The following RPH3A variants were observed in gnomAD, a reference collection of about 807,000 sequenced individuals.
The protein encoded by RPH3A is rabphilin-3A.
In RPH3A, 48 loss-of-function variants were observed where a neutral mutation model predicts 102.2. The ratio of observed to expected loss-of-function variants is 0.47; its 90% CI spans 0.37 to 0.60. The LOEUF (loss-of-function observed/expected upper bound fraction) is 0.60, where lower values mean the gene tolerates loss of function less well. RPH3A is among the 20% of genes least tolerant of loss of function. The pLI is 0.00. For synonymous variants in RPH3A, 310 were observed against 324.3 expected, an observed-to-expected ratio of 0.96 and a Z score of 0.47; for missense variants, 781 against 910.1, an observed-to-expected ratio of 0.86 and a Z score of 1.83.
chr12:112,692,420 C>T (rs1592946249), intron 1 of RPH3A, among the ~76,000 whole-genome samples: 1 of 151,790 alleles, frequency 6.6e-6, no homozygotes, highest in Non-Finnish European at 1.5e-5. Flanking sequence ...ATTATATATC[C>T]CGTAAATATG....
intron 1 of RPH3A, among the ~76,000 whole-genome samples, chr12:112,784,387 T>C (rs1018982467): frequency 6.6e-6 from 1 of 152,316 alleles, no homozygotes. Context: ...TCTGAGGTGA[T>C]GATCTATCCC....
chr12:112,592,319 GTTATTA>G (rs1348736100), intron 1 of RPH3A, among the ~76,000 whole-genome samples: 5 of 152,008 alleles, frequency 3.3e-5, no homozygotes, highest in African/African-American at 1.2e-4. Context: ...TTTTAAAATA[GTTATTA>G]TTATTATTAT....
At chr12:112,769,196 A>G (rs2040911752) in intron 1 of RPH3A, among the ~76,000 whole-genome samples, 1 of 152,060 alleles carries the variant, frequency 6.6e-6, no homozygotes, top group Non-Finnish European at 1.5e-5. Flanking sequence ...CAATCTTTTC[A>G]TTTCCCTCTC....
At chr12:112,802,711 C>T (rs972139508) in intron 2 of RPH3A, among the ~76,000 whole-genome samples, 1 of 152,002 alleles carries the variant, frequency 6.6e-6, no homozygotes, top group Non-Finnish European at 1.5e-5. Context: ...CTACTTCCCA[C>T]TCTGTGTGGA....
chr12:112,884,639 T>C (rs1376971959), intron 16 of RPH3A, among the ~76,000 whole-genome samples: 1 of 152,222 alleles, frequency 6.6e-6, no homozygotes, highest in Non-Finnish European at 1.5e-5. Context: ...AAGAGAATTA[T>C]TACTGGATCA....
rs1491132890 is a variant in RPH3A at position 112,678,281 on chromosome 12, GAA to G, written c.-140+102964_-140+102965del. 5.7e-3 allele frequency among the ~76,000 whole-genome samples: 429 copies of G among 75,494 alleles called. 26 individuals carry two copies. Among genetic ancestry groups the G allele is most frequent in the African/African-American group, 0.022 (305 of 13,652 alleles). The allele number at this position is 75,494 out of a possible 152,430, so 49.5% of individuals were successfully genotyped here. A position where few individuals can be genotyped will look rare whatever the true frequency, so the allele number is the denominator to read the frequency against. ...AGAAAGAAAGAAAGAAAGAAAGAAA[GAA>G]AGAAAGAAAGAAAGAAAGAAAGAGA... On this transcript the variant is annotated intron_variant, in intron 1 of 21. Transcript: ENST00000543106.
At chr12:112,717,004 A>G (rs558211770) in intron 1 of RPH3A, among the ~76,000 whole-genome samples, 2 of 152,288 alleles carry the variant, frequency 1.3e-5, no homozygotes, top group South Asian at 2.1e-4. Context: ...CTGTGGACTT[A>G]CTATGTTGGA....
At chr12:112,793,220 A>G (rs781293215) in intron 2 of RPH3A, among the ~76,000 whole-genome samples, 1 of 152,206 alleles carries the variant, frequency 6.6e-6, no homozygotes, top group African/African-American at 2.4e-5. Context: ...TAATTTTGAA[A>G]TGCTTTTGAT....
rs552279268 is a variant in RPH3A at position 112,614,041 on chromosome 12, C to T, written c.-140+38722C>T. ...TGAAGTTAGAGGAAGGGACCACGAG[C>T]CAAGGAATGCTTGTAAACCACTACA... On this transcript the variant is annotated intron_variant, in intron 1 of 21. Coordinates refer to the RPH3A transcript ENST00000543106. Among the ~76,000 whole-genome samples, 52 of 152,136 alleles carry T rather than the reference C, an allele frequency of 3.4e-4. 1 individual carries two copies. The highest frequency in any genetic ancestry group is 1.1e-3 in the African/African-American group (47 of 41,506).
chr12:112,881,347 C>G (rs755181296), intron 14 of RPH3A, among the ~76,000 whole-genome samples: 1 of 152,178 alleles, frequency 6.6e-6, no homozygotes, highest in Non-Finnish European at 1.5e-5. Flanking sequence ...CATCCTCCTT[C>G]CCCCGACCTT....
At chr12:112,657,911 G>C (rs1257411183) in intron 1 of RPH3A, among the ~76,000 whole-genome samples, 1 of 152,134 alleles carries the variant, frequency 6.6e-6, no homozygotes, top group Non-Finnish European at 1.5e-5. Flanking sequence ...TGACTGTGTG[G>C]ATAAGGGGAA....
In RPH3A at chr12:112,898,199, C is replaced by T. The variant is rs2043217567; in HGVS notation, c.*1419C>T. On this transcript the variant is annotated 3_prime_UTR_variant, in exon 22 of 22. Coordinates refer to ENST00000389385, the MANE Select transcript of RPH3A (RefSeq NM_001143854.2). ...GGCTTTGGGCTCATCATCAATCTTT[C>T]ACTTTCTTCCTATAAAAAAAATTAT... 1 of 152,194 alleles carries T rather than the reference C, an allele frequency of 6.6e-6. No individual in the cohort carries two copies. The highest frequency in any genetic ancestry group is 1.5e-5 in the Non-Finnish European group (1 of 68,036). 9.4% of individuals were successfully genotyped at this position (152,194 alleles called of 1,614,324 possible).
At chr12:112,586,495 A>G (rs1021845140) in intron 1 of RPH3A, among the ~76,000 whole-genome samples, 3 of 152,076 alleles carry the variant, frequency 2.0e-5, no homozygotes, top group Non-Finnish European at 4.4e-5. Flanking sequence ...TGTTCCAGGA[A>G]GAAGGCATGG....
At chr12:112,582,402 T>C (rs1433451946) in intron 1 of RPH3A, among the ~76,000 whole-genome samples, 1 of 146,910 alleles carries the variant, frequency 6.8e-6, no homozygotes, top group African/African-American at 2.5e-5. Flanking sequence ...TGAGCCACCA[T>C]GCCTGGCCAT....
At chr12:112,700,058 T>C (rs1323971678) in intron 1 of RPH3A, among the ~76,000 whole-genome samples, 1 of 152,124 alleles carries the variant, frequency 6.6e-6, no homozygotes, top group Non-Finnish European at 1.5e-5. Flanking sequence ...GAATAAATCC[T>C]TAATGAATTC....
intron 1 of RPH3A, among the ~76,000 whole-genome samples, chr12:112,708,755 A>T (rs1189884972): frequency 6.6e-6 from 1 of 152,122 alleles, no homozygotes. Flanking sequence ...CGCCCAGGGG[A>T]TCGGAGCCTC....
chr12:112,695,094 A>T (rs1272209919), intron 1 of RPH3A: 3 of 170,432 alleles, frequency 1.8e-5, no homozygotes, highest in African/African-American at 7.2e-5. Context: ...TAGCATAAGT[A>T]TGTCCCAAAT....
intron 10 of RPH3A, among the ~76,000 whole-genome samples, chr12:112,872,085 A>G (rs1315707686): frequency 6.6e-6 from 1 of 151,990 alleles, no homozygotes; most frequent in Non-Finnish European, 1.5e-5. Context: ...ATCATATGGT[A>G]ATTCTGTGTT....
chr12:112,575,333 G>T (rs1037728824), intron 1 of RPH3A: 1 of 152,038 alleles, frequency 6.6e-6, no homozygotes, highest in African/African-American at 2.4e-5. Flanking sequence ...AGGCGGGCGG[G>T]GGCTGCGGGC....
Sources: gnomAD v4.1 joint callset for allele counts (sites outside exome capture counted in the v4.1 genomes callset) on GRCh38, gnomAD v4.1.1 for gene constraint, MANE v1.5 for transcripts, NCBI Gene and HGNC (gene_info 2026-07-23, HGNC 2026-07-21) for gene names.